Variants in MROH2A observed in about 807,000 individuals in gnomAD.
MROH2A encodes the protein maestro heat-like repeat-containing protein family member 2A.
A neutral mutation model predicts 200.4 loss-of-function variants in MROH2A; 174 were observed. The ratio of observed to expected loss-of-function variants is 0.87; its 90% CI spans 0.77 to 0.98. The LOEUF (loss-of-function observed/expected upper bound fraction) is 0.98, where lower values mean the gene tolerates loss of function less well. Among genes scored for constraint, MROH2A ranks in the 50% least tolerant of loss-of-function variants. The pLI is 0.00. For missense variants in MROH2A, 2,045 were observed against 2,139.6 expected (o/e 0.96, Z 0.87); for synonymous variants, 829 against 840.4 (o/e 0.99, Z 0.23).
upstream of MROH2A, among the ~76,000 whole-genome samples, chr2:233,776,028 TC>T (rs1432832250): frequency 2.0e-5 from 3 of 152,118 alleles, no homozygotes; most frequent in African/African-American, 7.2e-5. Context: ...TTGTGAGGCC[TC>T]CCCAGCCATG....
In MROH2A at chr2:233,828,831, G is replaced by A. The variant is rs1704511042; in HGVS notation, c.4263+52G>A. The A allele has an allele frequency of 1.3e-6, 2 of 1,549,086 alleles. No individual in the cohort carries two copies. Among genetic ancestry groups the A allele is most frequent in the Admixed American group, 2.0e-5 (1 of 50,916 alleles). On this transcript the variant is annotated intron_variant, in intron 36 of 41. Transcript: ENST00000389758. This position sits in a 1 kb window ranked among gnomAD's most constrained non-coding sequence, Gnocchi z 4.6. Reference sequence around the variant, plus strand: ...TCCCGGGAGCTGAGGGTGCAGGCCGGGTGCCCTGGTCAGCCTGGGAGGGAG... The same window carrying A: ...TCCCGGGAGCTGAGGGTGCAGGCCGAGTGCCCTGGTCAGCCTGGGAGGGAG...
chr2:233,794,568 G>A, intron 8 of MROH2A, 62 bp downstream of exon 8: 1 of 867,176 alleles, frequency 1.2e-6, no homozygotes, highest in South Asian at 1.5e-5. Flanking sequence ...GCTCCCAAGT[G>A]TTTAAAGGGG....
chr2:233,817,952 G>A (rs1379593050), intron 27 of MROH2A, 50 bp from the exon 28 acceptor site: 1 of 1,547,816 alleles, frequency 6.5e-7, no homozygotes, highest in African/African-American at 1.4e-5. Context: ...GCAGCCCCAG[G>A]TGTGCATGAG....
At chr2:233,804,342 T>A in intron 17 of MROH2A, 150 bp downstream of exon 17, 1 of 1,376,066 alleles carries the variant, frequency 7.3e-7, no homozygotes, top group Non-Finnish European at 9.9e-7. Flanking sequence ...GTTGAGCAGC[T>A]TGGGAAGGTG....
At chr2:233,802,646 C>G (rs1359930894) in intron 15 of MROH2A, among the ~76,000 whole-genome samples, 2 of 152,164 alleles carry the variant, frequency 1.3e-5, no homozygotes, top group Non-Finnish European at 2.9e-5. Flanking sequence ...CTCTGCCTGG[C>G]TTCTCTGAGC....
At chr2:233,801,607 A>G (rs1445470653) in intron 14 of MROH2A, among the ~76,000 whole-genome samples, 1 of 152,184 alleles carries the variant, frequency 6.6e-6, no homozygotes, top group Non-Finnish European at 1.5e-5. Context: ...CTTCTTCCTC[A>G]GAGAAATCCC....
intron 27 of MROH2A, among the ~76,000 whole-genome samples, chr2:233,817,175 G>A (rs908708719): frequency 6.6e-6 from 1 of 152,152 alleles, no homozygotes; most frequent in South Asian, 2.1e-4. Flanking sequence ...CTAGGAAAAT[G>A]AATATTTACT....
At chr2:233,803,914 G>C in intron 16 of MROH2A, 137 bp from the exon 17 acceptor site, 2 of 1,146,386 alleles carry the variant, frequency 1.7e-6, no homozygotes, top group Non-Finnish European at 2.4e-6. Context: ...CTCTGCAGGT[G>C]CACTCTCTAT....
intron 22 of MROH2A, among the ~76,000 whole-genome samples, chr2:233,809,545 TC>T (rs1417521795): frequency 6.6e-6 from 1 of 152,070 alleles, no homozygotes. Flanking sequence ...CCCCACCTCT[TC>T]CCAGCCTTAC....
chr2:233,800,943 T>A (rs564165460), intron 14 of MROH2A, among the ~76,000 whole-genome samples: 193 of 152,286 alleles, frequency 1.3e-3, no homozygotes, highest in Non-Finnish European at 2.2e-3. Context: ...CAGCTTTTTT[T>A]AATTGCAGAA....
chr2:233,819,538 A>T, intron 30 of MROH2A, 69 bp downstream of exon 30: 1 of 1,467,780 alleles, frequency 6.8e-7, no homozygotes, highest in Non-Finnish European at 9.2e-7. Context: ...GATGAGAGGG[A>T]AGGACGAGGG....
chr2:233,824,868 A>C (rs17862899), intron 35 of MROH2A, among the ~76,000 whole-genome samples: 23,691 of 152,198 alleles, frequency 0.16, 2,366 homozygotes, highest in Middle Eastern at 0.22. Context: ...AAGAATGTCA[A>C]TGGTAGTTTA....
intron 35 of MROH2A, among the ~76,000 whole-genome samples, chr2:233,826,481 A>G (rs946953900): frequency 1.3e-5 from 2 of 152,216 alleles, no homozygotes. Flanking sequence ...AAAGGATTCC[A>G]TATTTAAAAA....
chr2:233,826,322 T>C (rs182790168), intron 35 of MROH2A, among the ~76,000 whole-genome samples: 18 of 152,294 alleles, frequency 1.2e-4, no homozygotes, highest in African/African-American at 4.1e-4. Context: ...CTTCAAACTA[T>C]ACTATAAGGC....
chr2:233,822,950 C>A lies in MROH2A; in HGVS notation c.3936C>A (p.Asp1312Glu). The A allele has an allele frequency of 6.4e-7, 1 of 1,550,612 alleles. No individual in the cohort carries two copies. The highest frequency in any genetic ancestry group is 8.7e-7 in the Non-Finnish European group (1 of 1,146,974). The change falls in exon 34 of 42, where the codon GAC becomes GAA. Residue 1312 changes from aspartate (D) to glutamate (E), a missense_variant. By Grantham distance (45) the Asp-to-Glu change is conservative (BLOSUM62 2). Coordinates refer to ENST00000389758, the MANE Select transcript of MROH2A (RefSeq NM_001394639.1). ...GCCAGCACCTGGCACATACCCTGGA[C>A]GAGCAGGCAGTGTGGGACCTCCTGC... Reference protein sequence around the residue: ...VKSQHLAHTLDEQAVWDLLQD... With the variant: ...VKSQHLAHTLEEQAVWDLLQD...
At chr2:233,829,810 G>A in intron 38 of MROH2A, 35 bp downstream of exon 38, 1 of 1,291,982 alleles carries the variant, frequency 7.7e-7, no homozygotes, top group Non-Finnish European at 9.9e-7. Context: ...TCCCAGTCTG[G>A]GGCCCGCTGT....
In MROH2A at chr2:233,823,541, GTCTC is replaced by G; in HGVS notation, c.4005-12_4005-9del. The stretch of plus-strand genomic sequence containing the variant: ...GGGGCCGCCTCCACGACCTGGCACT[GTCTC>G]TCCTCTGCAGGCTGTGCATGCAGCA... On this transcript the variant is annotated splice_polypyrimidine_tract_variant and intron_variant, in intron 34 of 41. Coordinates refer to ENST00000389758, the MANE Select transcript of MROH2A (RefSeq NM_001394639.1). 1 of 1,548,610 alleles carries G rather than the reference GTCTC, an allele frequency of 6.5e-7. No homozygotes were observed. Among genetic ancestry groups the G allele is most frequent in the South Asian group, 1.2e-5 (1 of 83,926 alleles).
intron 5 of MROH2A, among the ~76,000 whole-genome samples, chr2:233,792,572 C>A (rs1470623201): frequency 6.6e-6 from 1 of 152,164 alleles, no homozygotes; most frequent in African/African-American, 2.4e-5. Context: ...CTTGGCCTCC[C>A]AAAGTGCTGG....
intron 8 of MROH2A, among the ~76,000 whole-genome samples, chr2:233,795,376 G>A (rs920739488): frequency 2.0e-5 from 3 of 152,208 alleles, no homozygotes; most frequent in Non-Finnish European, 4.4e-5. Flanking sequence ...TAAATAATGG[G>A]ATTCACTTTT....
Sources: gnomAD v4.1 joint callset for allele counts (sites outside exome capture counted in the v4.1 genomes callset) on GRCh38, gnomAD v4.1.1 for gene constraint, Gnocchi (gnomAD v3.1) non-coding constraint, MANE v1.5 for transcripts, NCBI Gene and HGNC (gene_info 2026-07-23, HGNC 2026-07-21) for gene names.